The following PDE3B variants were observed in gnomAD, a reference collection of about 807,000 sequenced individuals.
PDE3B encodes the protein phosphodiesterase 3B, also known as cGMP-inhibited 3',5'-cyclic phosphodiesterase 3B.
In PDE3B, 66 loss-of-function variants were observed where a neutral mutation model predicts 116.8. The ratio of observed to expected loss-of-function variants is 0.56; its 90% CI spans 0.46 to 0.69. The LOEUF is 0.69. PDE3B is among the 30% of genes least tolerant of loss of function. PDE3B has a pLI of 0.00. For synonymous variants in PDE3B, 595 were observed against 533.6 expected, an observed-to-expected ratio of 1.12 and a Z score of -1.59; for missense variants, 1,384 against 1,368.1, an observed-to-expected ratio of 1.01 and a Z score of -0.18.
At chr11:14,645,656 C>T (rs181755974) in intron 1 of PDE3B, among the ~76,000 whole-genome samples, 4 of 152,004 alleles carry the variant, frequency 2.6e-5, no homozygotes, top group Non-Finnish European at 5.9e-5. Flanking sequence ...ATTCAATGTT[C>T]TTTGTATTTG....
chr11:14,819,305 C>G, intron 7 of PDE3B, 96 bp downstream of exon 7: 1 of 713,784 alleles, frequency 1.4e-6, no homozygotes, highest in Non-Finnish European at 2.5e-6. Context: ...TTCAGTTTAT[C>G]CATCTTTAAA....
intron 1 of PDE3B, among the ~76,000 whole-genome samples, chr11:14,659,509 T>A (rs947320985): frequency 1.3e-5 from 2 of 152,212 alleles, no homozygotes; most frequent in African/African-American, 2.4e-5. Flanking sequence ...TGTGATTTTT[T>A]AAAAAAACTT....
chr11:14,884,865 A>T, the PDE3B span, among the ~76,000 whole-genome samples: 3 of 151,938 alleles, frequency 2.0e-5, no homozygotes, highest in Admixed American at 6.6e-5. Flanking sequence ...CATTTTCATC[A>T]TCTTTTTAAA....
intron 1 of PDE3B, among the ~76,000 whole-genome samples, chr11:14,704,696 C>T (rs7942142): frequency 0.15 from 23,147 of 151,454 alleles, 2,760 homozygotes; most frequent in African/African-American, 0.34. Context: ...CTGTATAATA[C>T]GTATGTAATA....
chr11:14,890,443 C>T, the PDE3B span: 3 of 981,374 alleles, frequency 3.1e-6, no homozygotes, highest in East Asian at 2.3e-4. Context: ...TTTATTATCT[C>T]GTCCAGCTTC....
chr11:14,877,223 A>T, the PDE3B span, among the ~76,000 whole-genome samples: 1 of 152,136 alleles, frequency 6.6e-6, no homozygotes, highest in Admixed American at 6.6e-5. Context: ...ATAGGACCCC[A>T]TTCACTCTCA....
intron 11 of PDE3B, among the ~76,000 whole-genome samples, chr11:14,840,409 T>C (rs1379597753): frequency 6.6e-6 from 1 of 152,194 alleles, no homozygotes; most frequent in East Asian, 1.9e-4. Flanking sequence ...GTTCATAAAT[T>C]TGTCATGTGC....
intron 1 of PDE3B, among the ~76,000 whole-genome samples, chr11:14,717,805 A>C (rs376021266): frequency 1.5e-5 from 2 of 137,832 alleles, no homozygotes; most frequent in African/African-American, 2.7e-5. Flanking sequence ...GGTACCAGCC[A>C]CTGCAAAATC....
At position 14,771,926 on chromosome 11, in the gene PDE3B, T is replaced by C; in HGVS notation, c.979-11T>C. The stretch of plus-strand genomic sequence containing the variant: ...TTTTTGGTTTGTAACCAAGTGAATT[T>C]TTTTTTCTAGATGATTCTTTGGGAT... On this transcript the variant is annotated splice_polypyrimidine_tract_variant and intron_variant, in intron 1 of 15. Transcript: ENST00000282096. 7.8e-7 allele frequency: 1 copy of C among 1,289,978 alleles called. No homozygotes were observed. Among genetic ancestry groups the C allele is most frequent in the South Asian group, 1.8e-5 (1 of 55,438 alleles). 79.9% of individuals were successfully genotyped at this position (1,289,978 alleles called of 1,614,324 possible).
At chr11:14,729,898 T>G (rs1321151008) in intron 1 of PDE3B, among the ~76,000 whole-genome samples, 4 of 152,122 alleles carry the variant, frequency 2.6e-5, no homozygotes, top group African/African-American at 9.7e-5. Context: ...AAATCAACTC[T>G]GGATATTTTA....
At chr11:14,805,018 AAAGAC>A (rs1858878242) in intron 5 of PDE3B, among the ~76,000 whole-genome samples, 1 of 152,200 alleles carries the variant, frequency 6.6e-6, no homozygotes, top group South Asian at 2.1e-4. Flanking sequence ...ACAAAGTTTA[AAAGAC>A]ATATGGGACA....
intron 12 of PDE3B, among the ~76,000 whole-genome samples, chr11:14,846,299 TG>T: frequency 6.6e-6 from 1 of 152,292 alleles, no homozygotes; most frequent in East Asian, 1.9e-4. Context: ...TGAGAGATTT[TG>T]TCACCACCAG....
intron 11 of PDE3B, among the ~76,000 whole-genome samples, chr11:14,840,275 A>G (rs545575985): frequency 1.1e-4 from 17 of 152,102 alleles, no homozygotes; most frequent in Non-Finnish European, 2.2e-4. Context: ...TCAAATAATT[A>G]TTTTCCTTTC....
At chr11:14,734,275 G>A (rs1396574856) in intron 1 of PDE3B, among the ~76,000 whole-genome samples, 1 of 152,144 alleles carries the variant, frequency 6.6e-6, no homozygotes, top group African/African-American at 2.4e-5. Flanking sequence ...GTCCCACTGT[G>A]TTTCCCAGGC....
At chr11:14,877,041 C>T (rs1555009840), downstream of PDE3B, among the ~76,000 whole-genome samples, 1 of 152,116 alleles carries the variant, frequency 6.6e-6, no homozygotes, top group East Asian at 1.9e-4. Context: ...TCATTGTGTG[C>T]ACTGACTCTG....
chr11:14,861,649 A>T (rs1197626207), intron 14 of PDE3B, among the ~76,000 whole-genome samples: 1 of 152,234 alleles, frequency 6.6e-6, no homozygotes, highest in African/African-American at 2.4e-5. Context: ...AGTTTGCAGC[A>T]ACCTCAATTC....
In PDE3B at chr11:14,679,670, C is replaced by G. The variant is rs111422682; in HGVS notation, c.978+34617C>G. On this transcript the variant is annotated intron_variant, in intron 1 of 15. Coordinates refer to ENST00000282096, the MANE Select transcript of PDE3B (RefSeq NM_000922.4). ...GAAGGACTCTCTTCTGTCTTTTCTG[C>G]TTGTGGTTCCTGATCCCTACATGTG... is the stretch of plus-strand genomic sequence containing the variant. Among the ~76,000 whole-genome samples, 683 of 151,924 alleles carry G rather than the reference C, an allele frequency of 4.5e-3. 3 individuals carry two copies. The highest frequency in any genetic ancestry group is 0.015 in the African/African-American group (608 of 41,468).
intron 1 of PDE3B, among the ~76,000 whole-genome samples, chr11:14,759,998 A>G (rs1857310252): frequency 6.6e-6 from 1 of 152,302 alleles, no homozygotes; most frequent in East Asian, 1.9e-4. Context: ...ATAGGATGAA[A>G]GAGACTTACA....
chr11:14,876,334 A>C (rs1324902221), downstream of PDE3B, among the ~76,000 whole-genome samples: 1 of 152,090 alleles, frequency 6.6e-6, no homozygotes, highest in African/African-American at 2.4e-5. Context: ...CTGGACAACT[A>C]TCTCTGAAAA....
Sources: gnomAD v4.1 joint callset for allele counts (sites outside exome capture counted in the v4.1 genomes callset) on GRCh38, gnomAD v4.1.1 for gene constraint, MANE v1.5 for transcripts, NCBI Gene and HGNC (gene_info 2026-07-23, HGNC 2026-07-21) for gene names.